ATP11B: variants seen among roughly 807,000 people sequenced by gnomAD.
ATP11B encodes the protein ATPase phospholipid transporting 11B (putative), also known as phospholipid-transporting ATPase IF.
Under a neutral mutation model 157.8 loss-of-function variants are expected in ATP11B, and 81 were observed. The ratio of observed to expected loss-of-function variants is 0.51; its 90% confidence interval spans 0.43 to 0.62. ATP11B has a LOEUF of 0.62. Ranked by LOEUF, ATP11B falls within the 20% of genes least tolerant of loss-of-function variation. The pLI is 0.00. For missense variants in ATP11B, 1,165 were observed against 1,402.2 expected, an observed-to-expected ratio of 0.83 and a Z score of 2.70; for synonymous variants, 451 against 469.4, an observed-to-expected ratio of 0.96 and a Z score of 0.51.
At chr3:182,903,636 C>G (rs376439642) in intron 28 of ATP11B, among the ~76,000 whole-genome samples, 15 of 152,176 alleles carry the variant, frequency 9.9e-5, no homozygotes, top group Admixed American at 6.5e-4. Context: ...AAGTTGTAGT[C>G]AACTAAATTT....
intron 9 of ATP11B, among the ~76,000 whole-genome samples, chr3:182,846,389 C>T (rs777812099): frequency 4.0e-5 from 6 of 149,962 alleles, no homozygotes; most frequent in African/African-American, 7.6e-5. Flanking sequence ...TAAAACGTTG[C>T]AGCTGCTGCC....
At chr3:182,911,503 C>T (rs1724795963) in intron 28 of ATP11B, among the ~76,000 whole-genome samples, 1 of 152,078 alleles carries the variant, frequency 6.6e-6, no homozygotes. Flanking sequence ...TGACCTTGAA[C>T]AAATTCTTAA....
At position 182,891,802 on chromosome 3, in the gene ATP11B, T is replaced by C. The variant is rs559465514; in HGVS notation, c.2982+2254T>C. 1.6e-3 allele frequency among the ~76,000 whole-genome samples: 250 copies of C among 152,296 alleles called. 1 individual carries two copies. The highest frequency in any genetic ancestry group is 4.0e-3 in the African/African-American group (168 of 41,568). Reference sequence around the variant, plus strand: ...AAAGCAGCACATGTTAGAATCAGAATTGGATTCATACCCTGGCATCTGTAG... The same window carrying C: ...AAAGCAGCACATGTTAGAATCAGAACTGGATTCATACCCTGGCATCTGTAG... On this transcript the variant is annotated intron_variant, in intron 25 of 29. Coordinates refer to ENST00000323116, the MANE Select transcript of ATP11B (RefSeq NM_014616.3).
At chr3:182,913,210 G>A (rs1724914679) in intron 28 of ATP11B, among the ~76,000 whole-genome samples, 2 of 152,198 alleles carry the variant, frequency 1.3e-5, no homozygotes, top group African/African-American at 4.8e-5. Flanking sequence ...ATGAGCTGAT[G>A]ATGGGATGAT....
intron 25 of ATP11B, among the ~76,000 whole-genome samples, chr3:182,893,336 AC>A (rs1267831068): frequency 6.6e-6 from 1 of 151,132 alleles, no homozygotes; most frequent in East Asian, 1.9e-4. Flanking sequence ...TTTATTCCTC[AC>A]CCCCTCCCAC....
At position 182,857,934 on chromosome 3, in the gene ATP11B, T is replaced by G. The variant is rs1364333820; in HGVS notation, c.908T>G (p.Ile303Ser). The G allele has an allele frequency of 6.3e-7, 1 of 1,591,074 alleles. No individual in the cohort carries two copies. Among genetic ancestry groups the G allele is most frequent in the African/African-American group, 1.3e-5 (1 of 74,550 alleles). Residue 303 changes from isoleucine (I) to serine (S), a missense_variant, in exon 11 of 30, where the codon ATC becomes AGC. Ile to Ser is a moderately radical substitution (Grantham distance 142, BLOSUM62 -2). Coordinates refer to ENST00000323116, the MANE Select transcript of ATP11B (RefSeq NM_014616.3). The stretch of plus-strand genomic sequence containing the variant: ...GTAATTCTTATATCTGAAGCTGTCA[T>G]CAGCACTATCTTGAAGTATACATGG... ...YLVILISEAVISTILKYTWQA... is the reference protein window; with the variant it reads ...YLVILISEAVSSTILKYTWQA...
chr3:182,809,956 C>G (rs1716549930), intron 1 of ATP11B, among the ~76,000 whole-genome samples: 1 of 152,124 alleles, frequency 6.6e-6, no homozygotes, highest in African/African-American at 2.4e-5. Flanking sequence ...GCAAGAATTG[C>G]AGATCAGCAG....
At chr3:182,828,347 G>A in intron 3 of ATP11B, 138 bp downstream of exon 3, 1 of 440,690 alleles carries the variant, frequency 2.3e-6, no homozygotes, top group South Asian at 4.8e-5. Flanking sequence ...ATTGTATTCA[G>A]TGAATACAAT....
At chr3:182,916,846 AC>A (rs776535556) in intron 29 of ATP11B, 69 of 983,502 alleles carry the variant, frequency 7.0e-5, no homozygotes, top group Non-Finnish European at 7.8e-5. Context: ...TAATTGGAGT[AC>A]TGATAGCTGT....
chr3:182,893,262 T>G (rs1352877812), intron 25 of ATP11B, among the ~76,000 whole-genome samples: 2 of 152,192 alleles, frequency 1.3e-5, no homozygotes, highest in African/African-American at 2.4e-5. Flanking sequence ...AATAAGTTCT[T>G]CAGTGGTGAT....
At chr3:182,832,675 G>T (rs886341063) in intron 4 of ATP11B, among the ~76,000 whole-genome samples, 42 of 152,072 alleles carry the variant, frequency 2.8e-4, no homozygotes, top group African/African-American at 9.9e-4. Context: ...TCAGTTGTTT[G>T]CTTGTTTTTA....
chr3:182,893,396 C>T (rs956120273), intron 25 of ATP11B, among the ~76,000 whole-genome samples: 3 of 152,034 alleles, frequency 2.0e-5, no homozygotes, highest in Non-Finnish European at 4.4e-5. Context: ...TATGCCTTTG[C>T]GTCCCCATAG....
intron 8 of ATP11B, among the ~76,000 whole-genome samples, chr3:182,843,285 T>A (rs1360257582): frequency 6.6e-6 from 1 of 152,218 alleles, no homozygotes. Flanking sequence ...TGAAATGATA[T>A]CAGAATAATT....
chr3:182,859,395 G>C (rs1720661613), intron 12 of ATP11B, 36 bp downstream of exon 12: 2 of 1,497,132 alleles, frequency 1.3e-6, no homozygotes, highest in Non-Finnish European at 9.0e-7. Flanking sequence ...TCTCTAATTT[G>C]TTATTTTTAT....
Position 182,865,658 on chromosome 3 carries a change from G to C in ATP11B, c.1403G>C (p.Ser468Thr). Residue 468 changes from serine (S) to threonine (T), a missense_variant, in exon 13 of 30, where the codon AGT becomes ACT. Coordinates refer to ENST00000323116, the MANE Select transcript of ATP11B (RefSeq NM_014616.3). ...HLNNLSHLTT[S>T]SSFRTSPENE... is the part of the protein sequence containing the mutation. ...AACAACTTATCCCATCTTACAACCA[G>C]TTCCTCTTTCAGAACCAGTCCTGAA... is the stretch of plus-strand genomic sequence containing the variant. 6.2e-7 allele frequency: 1 copy of C among 1,613,396 alleles called. No individual in the cohort carries two copies. The highest frequency in any genetic ancestry group is 8.5e-7 in the Non-Finnish European group (1 of 1,179,584).
In ATP11B at chr3:182,872,604, A is replaced by G. The variant is rs889996300; in HGVS notation, c.2048+67A>G. Reference sequence around the variant, plus strand: ...GGAATTTTTGTAACCAAGTATTCTAATATGTGACATAAATTCTCTTTACTA... The same window carrying G: ...GGAATTTTTGTAACCAAGTATTCTAGTATGTGACATAAATTCTCTTTACTA... On this transcript the variant is annotated intron_variant, in intron 18 of 29. Coordinates refer to ENST00000323116, the MANE Select transcript of ATP11B (RefSeq NM_014616.3). 1.3e-4 allele frequency: 172 copies of G among 1,275,356 alleles called. 1 individual carries two copies. The Middle Eastern group carries it at 2.5e-3, about 18-fold the overall frequency. The allele number at this position is 1,275,356 out of a possible 1,614,324, so 79.0% of individuals were successfully genotyped here. A position where few individuals can be genotyped will look rare whatever the true frequency, so the allele number is the denominator to read the frequency against.
intron 1 of ATP11B, among the ~76,000 whole-genome samples, chr3:182,798,634 G>C (rs1715782965): frequency 6.6e-6 from 1 of 152,218 alleles, no homozygotes; most frequent in Admixed American, 6.5e-5. Context: ...ATCCTCTAAA[G>C]AGCCTTATGA....
chr3:182,909,916 T>C (rs1230104384), intron 28 of ATP11B, among the ~76,000 whole-genome samples: 1 of 150,756 alleles, frequency 6.6e-6, no homozygotes, highest in African/African-American at 2.4e-5. Flanking sequence ...TGCAAAAAAT[T>C]AGCTGGGCGT....
At chr3:182,805,390 T>G (rs1459251985) in intron 1 of ATP11B, among the ~76,000 whole-genome samples, 1 of 152,200 alleles carries the variant, frequency 6.6e-6, no homozygotes, top group African/African-American at 2.4e-5. Context: ...TATCCAATTT[T>G]TTTTATGTAC....
Sources: allele counts gnomAD v4.1 joint callset (sites outside exome capture counted in the v4.1 genomes callset), GRCh38; gene constraint gnomAD v4.1.1; transcripts MANE v1.5; gene names NCBI Gene and HGNC (gene_info 2026-07-23, HGNC 2026-07-21).